The following KXD1 variants were observed in gnomAD, a reference collection of about 807,000 sequenced individuals.
KXD1 encodes the protein KxDL motif containing 1, also known as kxDL motif-containing protein 1.
KXD1 carries 5 observed loss-of-function variants against 12.1 expected under a neutral mutation model. The observed-to-expected ratio is 0.41, with a 90% CI of 0.22 to 0.87. KXD1 has a LOEUF of 0.87. Among genes scored for constraint, KXD1 ranks in the 40% least tolerant of loss-of-function variants. The probability of loss-of-function intolerance (pLI) is 0.31; values close to 1 mark genes in which losing one functional copy is unlikely to be tolerated. For missense variants in KXD1, 193 were observed against 244.9 expected (o/e 0.79, Z 1.41); for synonymous variants, 98 against 100.5 (o/e 0.98, Z 0.15).
intron 3 of KXD1, among the ~76,000 whole-genome samples, chr19:18,565,732 G>A (rs767823028): frequency 6.6e-6 from 1 of 152,104 alleles, no homozygotes; most frequent in Non-Finnish European, 1.5e-5. Context: ...CTGTCGCCCA[G>A]GCTGGAGTGC....
intron 1 of KXD1, chr19:18,559,778 A>C (rs1974848764): frequency 6.6e-6 from 1 of 152,208 alleles, no homozygotes; most frequent in Admixed American, 6.5e-5. Flanking sequence ...AATAAGAATG[A>C]TAACAGTATG....
chr19:18,567,005 G>C (rs1975275346), intron 3 of KXD1, 127 bp from the exon 4 acceptor site: 1 of 767,594 alleles, frequency 1.3e-6, no homozygotes, highest in African/African-American at 1.7e-5. Context: ...GTGAGGTGAT[G>C]AACAGTGTGG....
rs1257495657 is a variant in KXD1 at position 18,564,893 on chromosome 19, T to A, written c.126T>A (p.Asn42Lys). The A allele has an allele frequency of 6.2e-7, 1 of 1,611,548 alleles. No individual in the cohort carries two copies. Among genetic ancestry groups the A allele is most frequent in the African/African-American group, 1.3e-5 (1 of 74,980 alleles). The change falls in exon 3 of 5, where the codon AAT becomes AAA. Residue 42 changes from asparagine to lysine, a missense_variant. Transcript: ENST00000222307. ...KNMLDRFEKTNEMLLNFNNLS... is the reference protein window; with the variant it reads ...KNMLDRFEKTKEMLLNFNNLS... ...GGCTGGACCGCTTTGAGAAGACCAA[T>A]GAGATGCTGCTCAACTTCAACAACC...
chr19:18,568,353 C>T, intron 4 of KXD1, 49 bp from the exon 5 acceptor site: 1 of 1,415,406 alleles, frequency 7.1e-7, no homozygotes, highest in Middle Eastern at 1.8e-4. Flanking sequence ...TCCTACATCA[C>T]AGAGCTTGGC....
intron 1 of KXD1, chr19:18,558,369 G>C (rs1977003244): frequency 6.6e-6 from 1 of 152,166 alleles, no homozygotes; most frequent in South Asian, 2.1e-4. Flanking sequence ...TTCGGCAACG[G>C]AGCCCGCCCC....
intron 3 of KXD1, chr19:18,565,230 GTTT>G (rs752046179): frequency 8.2e-4 from 889 of 1,086,816 alleles, no homozygotes; most frequent in South Asian, 2.1e-3. Context: ...TCGAGACAGA[GTTT>G]TTTTTTTTTT....
intron 1 of KXD1, among the ~76,000 whole-genome samples, chr19:18,560,725 T>G (rs886704604): frequency 6.6e-6 from 1 of 151,916 alleles, no homozygotes; most frequent in Non-Finnish European, 1.5e-5. Flanking sequence ...TTTTTTTTTT[T>G]TGAGACGGAG....
intron 2 of KXD1, among the ~76,000 whole-genome samples, chr19:18,563,197 G>A (rs939573204): frequency 3.3e-5 from 5 of 152,144 alleles, no homozygotes; most frequent in African/African-American, 1.2e-4. Context: ...TGGAGTGGAA[G>A]CACAGCCTCC....
chr19:18,566,845 C>T (rs1456165490), intron 3 of KXD1, among the ~76,000 whole-genome samples: 1 of 152,266 alleles, frequency 6.6e-6, no homozygotes, highest in Admixed American at 6.5e-5. Flanking sequence ...GAAGCAGCCT[C>T]GCAGGGGGAG....
At chr19:18,567,531 G>A (rs919842131) in intron 4 of KXD1, among the ~76,000 whole-genome samples, 2 of 152,314 alleles carry the variant, frequency 1.3e-5, no homozygotes, top group East Asian at 1.9e-4. Context: ...CCCCAGCTTC[G>A]AGGATCTGTC....
chr19:18,567,645 G>T (rs12980049), intron 4 of KXD1, among the ~76,000 whole-genome samples: 1 of 152,184 alleles, frequency 6.6e-6, no homozygotes, highest in South Asian at 2.1e-4. Flanking sequence ...ACTTGAGTTC[G>T]CATCTGTCTG....
intron 3 of KXD1, among the ~76,000 whole-genome samples, chr19:18,566,559 C>G (rs544415705): frequency 6.6e-6 from 1 of 151,624 alleles, no homozygotes; most frequent in Non-Finnish European, 1.5e-5. Flanking sequence ...GGGAGGCTGA[C>G]GCAGGCAGAT....
intron 4 of KXD1, 83 bp from the exon 5 acceptor site, chr19:18,568,319 G>A (rs1482409686): frequency 1.1e-5 from 11 of 999,920 alleles, no homozygotes; most frequent in Middle Eastern, 2.1e-4. Flanking sequence ...GAGGGCAGCC[G>A]TTAGGGGTCA....
chr19:18,560,723 T>C (rs1366753633), intron 1 of KXD1, among the ~76,000 whole-genome samples: 2 of 152,004 alleles, frequency 1.3e-5, no homozygotes, highest in African/African-American at 4.8e-5. Flanking sequence ...TCTTTTTTTT[T>C]TTTGAGACGG....
chr19:18,561,089 AC>A (rs1301590436), intron 1 of KXD1, among the ~76,000 whole-genome samples: 5 of 152,060 alleles, frequency 3.3e-5, no homozygotes, highest in Non-Finnish European at 7.4e-5. Flanking sequence ...GAAGAGGTGA[AC>A]CAGTGAAGCA....
chr19:18,562,303 T>G, intron 2 of KXD1, 146 bp downstream of exon 2: 21 of 617,376 alleles, frequency 3.4e-5, no homozygotes, highest in East Asian at 1.7e-4. Flanking sequence ...AGTAAATTCC[T>G]TCCCGGCCTG....
rs548206681 is a variant in KXD1 at position 18,561,900 on chromosome 19, G to A, written c.-21-136G>A. 28 of 532,930 alleles carry A rather than the reference G, an allele frequency of 5.3e-5. No homozygotes were observed. The Admixed American group carries it at 8.7e-4, about 17-fold the overall frequency. 33.0% of individuals were successfully genotyped at this position (532,930 alleles called of 1,614,324 possible). A position where few individuals can be genotyped will look rare whatever the true frequency, so the allele number is the denominator to read the frequency against. ...CCTGAGGTTCAGGTGGCATGACTGA[G>A]CCACAGTCACACATCCCCACTGTAG... On this transcript the variant is annotated intron_variant, in intron 1 of 4. Transcript: ENST00000222307.
At chr19:18,564,483 T>C (rs1975101977) in intron 2 of KXD1, among the ~76,000 whole-genome samples, 1 of 151,934 alleles carries the variant, frequency 6.6e-6, no homozygotes, top group Non-Finnish European at 1.5e-5. Context: ...TAGCCAGGCA[T>C]GGTGGCGGAC....
intron 1 of KXD1, 106 bp from the exon 2 acceptor site, chr19:18,561,930 C>T (rs1974932957): frequency 3.2e-6 from 2 of 629,662 alleles, no homozygotes; most frequent in Non-Finnish European, 5.3e-6. Flanking sequence ...CTGTAGGATA[C>T]CACCACGGTT....
Sources: allele counts gnomAD v4.1 joint callset (sites outside exome capture counted in the v4.1 genomes callset), GRCh38; gene constraint gnomAD v4.1.1; transcripts MANE v1.5; gene names NCBI Gene and HGNC (gene_info 2026-07-23, HGNC 2026-07-21).